ICE1: variants seen among roughly 807,000 people sequenced by gnomAD.
ICE1 encodes interactor of little elongation complex ELL subunit 1.
A neutral mutation model predicts 192.7 loss-of-function variants in ICE1; 64 were observed. That is an observed-to-expected ratio of 0.33 (90% CI 0.27 to 0.41). ICE1 has a LOEUF of 0.41. ICE1 is among the 10% of genes least tolerant of loss of function. The pLI is 1.00. For synonymous variants in ICE1, 1,010 were observed against 984.5 expected, an observed-to-expected ratio of 1.03 and a Z score of -0.49; for missense variants, 2,708 against 2,696.0, an observed-to-expected ratio of 1.00 and a Z score of -0.10.
rs1321656002 is a variant in ICE1, at chr5:5,461,204, C to T, written c.1870C>T (p.Leu624Phe). The T allele has an allele frequency of 6.2e-7, 1 of 1,613,980 alleles. No homozygotes were observed. ...DSGDGMDVAG[L>F]DIETSFSSSS... is the part of the protein sequence containing the mutation. Reference sequence around the variant, plus strand: ...AGGTGATGGAATGGATGTAGCAGGGCTTGACATTGAAACCAGTTTTTCTTC... The same window carrying T: ...AGGTGATGGAATGGATGTAGCAGGGTTTGACATTGAAACCAGTTTTTCTTC... The change falls in exon 13 of 19, where the codon CTT becomes TTT. Residue 624 changes from leucine (L) to phenylalanine (F), a missense_variant. Leu to Phe is a conservative substitution (Grantham distance 22). Around this residue, in one of 2 missense-constraint regions of ICE1, gnomAD observed 2,366 missense variants for 2,276.6 expected, o/e 1.04. Coordinates refer to ENST00000296564, the MANE Select transcript of ICE1 (RefSeq NM_015325.3).
intron 7 of ICE1, among the ~76,000 whole-genome samples, chr5:5,446,197 G>A (rs1042615678): frequency 3.4e-5 from 5 of 148,236 alleles, no homozygotes; most frequent in African/African-American, 1.3e-4. Flanking sequence ...GTAGAGATAG[G>A]GTTGCCCAGG....
Position 5,489,251 on chromosome 5 carries a change from A to G in ICE1, c.6722A>G (p.Glu2241Gly). The G allele has an allele frequency of 6.2e-7, 1 of 1,613,844 alleles. No homozygotes were observed. Among genetic ancestry groups the G allele is most frequent in the African/African-American group, 1.3e-5 (1 of 75,026 alleles). The change falls in exon 19 of 19, where the codon GAG becomes GGG. Residue 2241 changes from glutamate (E) to glycine (G), a missense_variant. Coordinates refer to ENST00000296564, the MANE Select transcript of ICE1 (RefSeq NM_015325.3). ...AAGATCCTGGAAGCTTGGCGGAGAG[A>G]GGCCTCCAAAAGCGTTCCGTCTGCG... is the stretch of plus-strand genomic sequence containing the variant. The part of the protein sequence containing the change: ...ISKILEAWRR[E>G]ASKSVPSAIV...
chr5:5,482,769 C>T (rs1330990141), intron 17 of ICE1, among the ~76,000 whole-genome samples: 1 of 129,062 alleles, frequency 7.7e-6, no homozygotes, highest in Non-Finnish European at 1.6e-5. Flanking sequence ...AACACCCCCA[C>T]CCCCCAACAC....
At position 5,465,011 on chromosome 5, in the gene ICE1, G is replaced by T. The variant is rs1320431396; in HGVS notation, c.5677G>T (p.Ala1893Ser). ...TGAGGAAAGAAGTTGTTCTAGTCCA[G>T]CCGTCAGTGCAGTTTCACAGTTGCC... ...TNEERSCSSP[A>S]VSAVSQLPLS... Residue 1893 changes from alanine (A) to serine (S), a missense_variant, in exon 13 of 19, where the codon GCC becomes TCC. Ala to Ser is a moderately conservative substitution (Grantham distance 99). This residue lies in a region of ICE1 where 2,366 missense variants were observed against 2,276.6 expected (regional missense o/e 1.04). Transcript: ENST00000296564. The T allele has an allele frequency of 6.2e-7, 1 of 1,613,920 alleles. No individual in the cohort carries two copies. Among genetic ancestry groups the T allele is most frequent in the Non-Finnish European group, 8.5e-7 (1 of 1,179,854 alleles).
intron 12 of ICE1, among the ~76,000 whole-genome samples, chr5:5,457,963 T>TA (rs758446965): frequency 1.6e-4 from 24 of 152,328 alleles, no homozygotes; most frequent in Middle Eastern, 3.4e-3. Context: ...GCATTTTTGT[T>TA]AGTCTTTATC....
intron 14 of ICE1, among the ~76,000 whole-genome samples, chr5:5,468,272 C>T (rs1052193038): frequency 1.3e-5 from 2 of 152,104 alleles, no homozygotes; most frequent in African/African-American, 2.4e-5. Context: ...CTGCAGAGCA[C>T]GAGAGCGAGA....
intron 12 of ICE1, among the ~76,000 whole-genome samples, chr5:5,458,936 G>A (rs559233942): frequency 2.6e-5 from 4 of 152,076 alleles, no homozygotes; most frequent in African/African-American, 7.2e-5. Context: ...ACAGTGGCGC[G>A]ATCTCGGCTC....
intron 1 of ICE1, among the ~76,000 whole-genome samples, chr5:5,427,423 A>C (rs184996406): frequency 2.0e-5 from 3 of 152,346 alleles, no homozygotes; most frequent in East Asian, 1.9e-4. Flanking sequence ...CTTTATTCTG[A>C]TGAAGGAGAG....
rs1195900801 is a variant in ICE1 at position 5,468,557 on chromosome 5, ACAAAACCTATGTAATG to A, written c.6062-252_6062-237del. Among the ~76,000 whole-genome samples, 22 of 152,368 alleles carry A rather than the reference ACAAAACCTATGTAATG, an allele frequency of 1.4e-4. 1 individual carries two copies. In the South Asian group the frequency reaches 1.4e-3, roughly 10 times the overall value. ...TGCATAAAAACCTATGTAATGTAATACAAAACCTATGTAATGCAAAACCTATGTAATGCATAAAAAT... is the reference window on the plus strand; with the variant it reads ...TGCATAAAAACCTATGTAATGTAATACAAAACCTATGTAATGCATAAAAAT... On this transcript the variant is annotated intron_variant, in intron 14 of 18. Coordinates refer to ENST00000296564, the MANE Select transcript of ICE1 (RefSeq NM_015325.3).
intron 7 of ICE1, among the ~76,000 whole-genome samples, chr5:5,445,172 C>T (rs558078056): frequency 9.9e-4 from 151 of 152,238 alleles, no homozygotes; most frequent in Admixed American, 1.8e-3. Flanking sequence ...TAGTTACATC[C>T]GGGCACATAG....
chr5:5,445,912 T>TG (rs1308455274), intron 7 of ICE1, among the ~76,000 whole-genome samples: 2 of 151,720 alleles, frequency 1.3e-5, no homozygotes, highest in Non-Finnish European at 2.9e-5. Context: ...TTAGTAGAGA[T>TG]GGGGTTATGT....
At chr5:5,432,583 C>T (rs1251711795) in intron 1 of ICE1, among the ~76,000 whole-genome samples, 4 of 152,180 alleles carry the variant, frequency 2.6e-5, no homozygotes, top group Non-Finnish European at 5.9e-5. Flanking sequence ...TTTTGAGGAA[C>T]TGCAAAACTA....
At chr5:5,465,938 T>C (rs1031964437) in intron 13 of ICE1, among the ~76,000 whole-genome samples, 4 of 152,210 alleles carry the variant, frequency 2.6e-5, no homozygotes, top group African/African-American at 9.7e-5. Context: ...TAGAGTAAAT[T>C]AGAGTTTAGA....
At position 5,422,898 on chromosome 5, in the gene ICE1, G is replaced by A; in HGVS notation, c.-18G>A. On this transcript the variant is annotated 5_prime_UTR_variant, in exon 1 of 19. Coordinates refer to ENST00000296564, the MANE Select transcript of ICE1 (RefSeq NM_015325.3). ...GGCCCCTGAGGCGTGCGTGCCCACC[G>A]GGCCCGGCGGCGGCACCATGATGCC... 7.3e-7 allele frequency: 1 copy of A among 1,371,114 alleles called. No homozygotes were observed. The highest frequency in any genetic ancestry group is 9.4e-7 in the Non-Finnish European group (1 of 1,061,638). The allele number at this position is 1,371,114 out of a possible 1,614,324, so 84.9% of individuals were successfully genotyped here. A position where few individuals can be genotyped will look rare whatever the true frequency, so the allele number is the denominator to read the frequency against.
At chr5:5,428,065 C>G (rs1737578275) in intron 1 of ICE1, among the ~76,000 whole-genome samples, 3 of 151,976 alleles carry the variant, frequency 2.0e-5, no homozygotes, top group African/African-American at 7.3e-5. Flanking sequence ...CAAGTTGTGC[C>G]AAGGCCTGGA....
chr5:5,461,958 TG>T lies in ICE1; in HGVS notation c.2626del (p.Glu876AsnfsTer3). 6.2e-7 allele frequency: 1 copy of T among 1,613,912 alleles called. No individual in the cohort carries two copies. The highest frequency in any genetic ancestry group is 8.5e-7 in the Non-Finnish European group (1 of 1,179,882). The stretch of plus-strand genomic sequence containing the variant: ...CCTGAAAAGGTTCAGAGTGCCAAAT[TG>T]GAACACTTGAGGCCACATAGGGTTG... ...TRPEKVQSAK[L>X]EHLRPHRVEP... On this transcript the variant is annotated frameshift_variant, in exon 13 of 19. Transcript: ENST00000296564. LOFTEE classifies it high-confidence loss of function.
At chr5:5,471,586 A>T (rs1739156105) in intron 15 of ICE1, among the ~76,000 whole-genome samples, 1 of 152,188 alleles carries the variant, frequency 6.6e-6, no homozygotes, top group African/African-American at 2.4e-5. Context: ...ATAATACTTT[A>T]TAACTAAATA....
At chr5:5,478,400 C>G (rs1021413036) in intron 17 of ICE1, among the ~76,000 whole-genome samples, 4 of 152,134 alleles carry the variant, frequency 2.6e-5, no homozygotes, top group South Asian at 2.1e-4. Context: ...ATAAAACTTA[C>G]AAGGGATGTG....
rs563316865 is a variant in ICE1, at chr5:5,435,530, C to T, written c.85-888C>T. On this transcript the variant is annotated intron_variant, in intron 1 of 18. Transcript: ENST00000296564. ...AGTATTTAGTGATGGAAAAAGGAGA[C>T]ATTAAAGGAAAGAAGTTAATGAAAA... Among the ~76,000 whole-genome samples the T allele has an allele frequency of 3.3e-5, 5 of 151,674 alleles. No individual in the cohort carries two copies. In the South Asian group the frequency reaches 8.3e-4, roughly 25 times the overall value.
Sources: gnomAD v4.1 joint callset for allele counts (sites outside exome capture counted in the v4.1 genomes callset) on GRCh38, gnomAD v4.1.1 for gene constraint, gnomAD v4.1.1 regional missense constraint, MANE v1.5 for transcripts, NCBI Gene and HGNC (gene_info 2026-07-23, HGNC 2026-07-21) for gene names.